VWA8: variants seen among roughly 807,000 people sequenced by gnomAD.
VWA8 encodes the protein von Willebrand factor A domain containing 8.
In VWA8, 221 loss-of-function variants were observed where a neutral mutation model predicts 241.5. The observed-to-expected ratio is 0.91, with a 90% confidence interval of 0.82 to 1.02. The LOEUF is 1.02. Among genes scored for constraint, VWA8 ranks in the 50% least tolerant of loss-of-function variants. VWA8 has a pLI of 0.00. For missense variants in VWA8, 2,322 were observed against 2,328.7 expected (o/e 1.00, Z 0.06); for synonymous variants, 852 against 827.1 (o/e 1.03, Z -0.52).
chr13:41,573,571 T>A (rs1228049456), intron 43 of VWA8, among the ~76,000 whole-genome samples: 1 of 139,762 alleles, frequency 7.2e-6, no homozygotes, highest in Non-Finnish European at 1.5e-5. Context: ...CGTATATATA[T>A]GTATATATAT....
chr13:41,702,872 T>G lies in VWA8; in HGVS notation c.3225+431A>C, dbSNP rs77566585. ...GCCCTTTCTAATGATTTTACAAGCA[T>G]CTACTTTCTCACAGTAAATTCCTTT... On this transcript the variant is annotated intron_variant, in intron 27 of 44. Coordinates refer to ENST00000379310, the MANE Select transcript of VWA8 (RefSeq NM_015058.2). 1.4e-3 allele frequency among the ~76,000 whole-genome samples: 215 copies of G among 152,288 alleles called. 2 individuals are homozygous for G. Among genetic ancestry groups the G allele is most frequent in the East Asian group, 6.6e-3 (34 of 5,170 alleles).
intron 37 of VWA8, 42 bp downstream of exon 37, chr13:41,670,904 T>C (rs768652380): frequency 1.2e-6 from 2 of 1,603,198 alleles, no homozygotes; most frequent in South Asian, 2.2e-5. Flanking sequence ...AATTTATACT[T>C]GAATGTGCAC....
intron 24 of VWA8, among the ~76,000 whole-genome samples, chr13:41,725,198 G>A (rs1593721939): frequency 6.6e-6 from 1 of 150,646 alleles, no homozygotes; most frequent in African/African-American, 2.4e-5. Context: ...AGCTGGGTAA[G>A]AAAAAAAAAG....
At chr13:41,684,564 T>C (rs1486464207) in intron 35 of VWA8, among the ~76,000 whole-genome samples, 1 of 152,048 alleles carries the variant, frequency 6.6e-6, no homozygotes, top group Non-Finnish European at 1.5e-5. Flanking sequence ...ATGCTAACAA[T>C]AGGATGGGGT....
intron 12 of VWA8, among the ~76,000 whole-genome samples, chr13:41,842,706 C>T (rs866080327): frequency 1.3e-5 from 2 of 152,168 alleles, no homozygotes; most frequent in Non-Finnish European, 2.9e-5. Flanking sequence ...GCAGATAATA[C>T]AGTTATGTAC....
At chr13:41,903,602 G>A (rs914051938) in intron 4 of VWA8, among the ~76,000 whole-genome samples, 1 of 152,024 alleles carries the variant, frequency 6.6e-6, no homozygotes, top group Non-Finnish European at 1.5e-5. Context: ...AGAATATAAA[G>A]TACAAAGAGA....
chr13:41,816,614 T>C, intron 16 of VWA8, 84 bp downstream of exon 16: 2 of 1,333,454 alleles, frequency 1.5e-6, no homozygotes, highest in Admixed American at 2.1e-5. Context: ...GCTTAAAAAA[T>C]AGATTTTAAG....
intron 42 of VWA8, among the ~76,000 whole-genome samples, chr13:41,578,289 AAT>A (rs1415117482): frequency 2.0e-5 from 3 of 152,190 alleles, no homozygotes; most frequent in Non-Finnish European, 4.4e-5. Context: ...GAGCTTATAA[AAT>A]AGTTTGCAGG....
intron 3 of VWA8, among the ~76,000 whole-genome samples, chr13:41,909,415 G>T (rs552846587): frequency 6.6e-6 from 1 of 152,332 alleles, no homozygotes; most frequent in South Asian, 2.1e-4. Context: ...CAAAGATGTG[G>T]TGATACCTAA....
chr13:41,735,567 A>G (rs1359186357), intron 21 of VWA8, among the ~76,000 whole-genome samples: 1 of 152,156 alleles, frequency 6.6e-6, no homozygotes, highest in Admixed American at 6.5e-5. Flanking sequence ...CATAGGATAA[A>G]TGTGGTTTTG....
chr13:41,892,914 GC>G (rs1874914902), intron 4 of VWA8, among the ~76,000 whole-genome samples: 1 of 152,094 alleles, frequency 6.6e-6, no homozygotes, highest in African/African-American at 2.4e-5. Context: ...TCACAATGCA[GC>G]ATCTACCTAC....
intron 1 of VWA8, among the ~76,000 whole-genome samples, chr13:41,953,573 AGGTG>A (rs1189698010): frequency 6.6e-6 from 1 of 152,198 alleles, no homozygotes; most frequent in Non-Finnish European, 1.5e-5. Flanking sequence ...TGGGAGGCCG[AGGTG>A]GGTGGATCAC....
rs572989264 is a variant in VWA8, at chr13:41,811,289, G to C, written c.1999C>G (p.Arg667Gly). 10 of 1,611,102 alleles carry C rather than the reference G, an allele frequency of 6.2e-6. No homozygotes were observed. Among genetic ancestry groups the C allele is most frequent in the Non-Finnish European group, 8.5e-6 (10 of 1,177,754 alleles). Residue 667 changes from arginine (R) to glycine (G), a missense_variant, in exon 17 of 45, where the codon CGT becomes GGT. Arg to Gly is a moderately radical substitution (Grantham distance 125). Coordinates refer to ENST00000379310, the MANE Select transcript of VWA8 (RefSeq NM_015058.2). ...LSTRQLLRIS[R>G]RLSQYPNENL... The stretch of plus-strand genomic sequence containing the variant: ...TCATTAGGATACTGTGACAGCCGAC[G>C]AGAAATTCGCAACAGTTGTCTGGTA...
chr13:41,613,723 C>T (rs1566387806), intron 38 of VWA8, among the ~76,000 whole-genome samples: 1 of 152,120 alleles, frequency 6.6e-6, no homozygotes, highest in Non-Finnish European at 1.5e-5. Context: ...AGGGCATAAG[C>T]CTGGACATTC....
At chr13:41,577,867 T>C (rs992679459) in intron 42 of VWA8, among the ~76,000 whole-genome samples, 2 of 152,332 alleles carry the variant, frequency 1.3e-5, no homozygotes, top group Admixed American at 6.5e-5. Flanking sequence ...AATGAAACTA[T>C]AGAAATCTTT....
intron 17 of VWA8, among the ~76,000 whole-genome samples, chr13:41,793,610 G>C (rs975385012): frequency 3.3e-5 from 5 of 152,038 alleles, no homozygotes; most frequent in African/African-American, 1.2e-4. Flanking sequence ...TCAAGAGATC[G>C]AGACCATCCT....
chr13:41,600,017 C>T (rs2044511300), intron 40 of VWA8, among the ~76,000 whole-genome samples: 1 of 152,130 alleles, frequency 6.6e-6, no homozygotes, highest in South Asian at 2.1e-4. Context: ...AGGGCTCTTT[C>T]TTCTTTTCCT....
chr13:41,883,464 G>GT lies in VWA8; in HGVS notation c.1002dup (p.His335ThrfsTer10). On this transcript the variant is annotated frameshift_variant, in exon 9 of 45. Transcript: ENST00000379310. LOFTEE classifies it high-confidence loss of function. ...TATGGATAAAGCCACTGGATTGCAT[G>GT]TTTGATTGGCATCATAGGAAAGGAA... 6.2e-7 allele frequency: 1 copy of GT among 1,613,458 alleles called. No individual in the cohort carries two copies. The highest frequency in any genetic ancestry group is 8.5e-7 in the Non-Finnish European group (1 of 1,179,618).
intron 26 of VWA8, among the ~76,000 whole-genome samples, chr13:41,719,166 T>G (rs971899535): frequency 6.6e-6 from 1 of 152,004 alleles, no homozygotes; most frequent in Non-Finnish European, 1.5e-5. Flanking sequence ...CTAGTTAACA[T>G]GATCATAAAT....
Sources: allele counts gnomAD v4.1 joint callset (sites outside exome capture counted in the v4.1 genomes callset), GRCh38; gene constraint gnomAD v4.1.1; transcripts MANE v1.5; gene names NCBI Gene and HGNC (gene_info 2026-07-23, HGNC 2026-07-21).